PDE4D: variants seen among roughly 807,000 people sequenced by gnomAD.
PDE4D encodes the protein 3',5'-cyclic-AMP phosphodiesterase 4D.
PDE4D carries 24 observed loss-of-function variants against 87.4 expected under a neutral mutation model. The observed-to-expected ratio is 0.27, with a 90% confidence interval of 0.20 to 0.39. PDE4D has a LOEUF of 0.39. Among genes scored for constraint, PDE4D ranks in the 10% least tolerant of loss-of-function variants. PDE4D has a pLI of 1.00. For missense variants in PDE4D, 714 were observed against 1,041.0 expected (o/e 0.69, Z 4.32); for synonymous variants, 384 against 383.2 (o/e 1.00, Z -0.02).
chr5:60,114,564 AT>A (rs1192493175), intron 2 of PDE4D, among the ~76,000 whole-genome samples: 18 of 152,184 alleles, frequency 1.2e-4, no homozygotes, highest in Admixed American at 3.9e-4. Context: ...AGAGAACATA[AT>A]TACTGAATCT....
At chr5:60,314,594 T>C (rs1043472492) in intron 1 of PDE4D, among the ~76,000 whole-genome samples, 2 of 152,142 alleles carry the variant, frequency 1.3e-5, no homozygotes, top group Admixed American at 1.3e-4. Flanking sequence ...CATTAACTCA[T>C]CATTTAACAT....
chr5:60,291,701 A>G (rs919167580), intron 1 of PDE4D, among the ~76,000 whole-genome samples: 5 of 152,028 alleles, frequency 3.3e-5, no homozygotes, highest in Admixed American at 2.6e-4. Context: ...TAAAAAAAAA[A>G]CCATGTAAGG....
intron 1 of PDE4D, among the ~76,000 whole-genome samples, chr5:59,607,649 G>A (rs1184247708): frequency 6.6e-6 from 1 of 152,022 alleles, no homozygotes; most frequent in African/African-American, 2.4e-5. Flanking sequence ...GTCAGTAGAG[G>A]AGGCAGCAGG....
chr5:60,513,936 A>G (rs565196586), intron 1 of PDE4D, among the ~76,000 whole-genome samples: 135 of 150,972 alleles, frequency 8.9e-4, no homozygotes, highest in African/African-American at 3.1e-3. Flanking sequence ...ATAATTATAT[A>G]AGAACAGCAA....
intron 1 of PDE4D, among the ~76,000 whole-genome samples, chr5:59,859,581 A>T (rs16890312): frequency 0.024 from 3,635 of 152,324 alleles, 153 homozygotes; most frequent in African/African-American, 0.083. Context: ...ATGTCTAATG[A>T]TGTGCTTTTT....
At position 59,672,638 on chromosome 5, in the gene PDE4D, C is replaced by A. The variant is rs73101118; in HGVS notation, c.455+220530G>T. Among the ~76,000 whole-genome samples, 1,237 of 152,090 alleles carry A rather than the reference C, an allele frequency of 8.1e-3. 13 individuals are homozygous for A. Among genetic ancestry groups the A allele is most frequent in the African/African-American group, 0.028 (1,182 of 41,498 alleles). On this transcript the variant is annotated intron_variant, in intron 1 of 14. Transcript: ENST00000340635. The stretch of plus-strand genomic sequence containing the variant: ...TTTTATTACTGCAAATTTTTTGTTT[C>A]TAAGTCCACAAAAGGAAACTTCAAC...
chr5:59,962,972 G>T (rs983331742), intron 3 of PDE4D, among the ~76,000 whole-genome samples: 19 of 152,264 alleles, frequency 1.2e-4, no homozygotes, highest in Admixed American at 3.9e-4. Flanking sequence ...CCACAGAAAT[G>T]CACCAGCTCT....
At chr5:60,428,671 T>C (rs1743929705) in intron 1 of PDE4D, among the ~76,000 whole-genome samples, 1 of 152,202 alleles carries the variant, frequency 6.6e-6, no homozygotes, top group Admixed American at 6.5e-5. Context: ...CTTCTCACGA[T>C]GATATAAAGA....
At chr5:59,358,557 G>C (rs1345881064) in intron 1 of PDE4D, among the ~76,000 whole-genome samples, 1 of 151,916 alleles carries the variant, frequency 6.6e-6, no homozygotes, top group East Asian at 1.9e-4. Flanking sequence ...TTCCATTTTC[G>C]GCAGCTCTTA....
At chr5:59,668,356 G>A (rs1249783229) in intron 1 of PDE4D, among the ~76,000 whole-genome samples, 2 of 152,132 alleles carry the variant, frequency 1.3e-5, no homozygotes, top group Non-Finnish European at 2.9e-5. Flanking sequence ...TGCAGATGAG[G>A]CTTCCTCCTG....
At chr5:59,418,743 G>A (rs1008197814) in intron 1 of PDE4D, among the ~76,000 whole-genome samples, 8 of 152,098 alleles carry the variant, frequency 5.3e-5, no homozygotes, top group Admixed American at 6.6e-5. Context: ...TCGCCTCCCA[G>A]GTTCAACCAA....
At chr5:59,777,838 C>T (rs1207268664) in intron 1 of PDE4D, among the ~76,000 whole-genome samples, 1 of 151,750 alleles carries the variant, frequency 6.6e-6, no homozygotes, top group East Asian at 1.9e-4. Flanking sequence ...TTCAAAAGCG[C>T]ATATACACTC....
intron 3 of PDE4D, among the ~76,000 whole-genome samples, chr5:59,936,323 G>A (rs575419050): frequency 2.0e-5 from 3 of 151,966 alleles, no homozygotes; most frequent in African/African-American, 7.2e-5. Context: ...TAACTAACCT[G>A]CATGTTGTGC....
intron 1 of PDE4D, among the ~76,000 whole-genome samples, chr5:59,635,044 G>T (rs951222440): frequency 1.3e-5 from 2 of 152,078 alleles, no homozygotes; most frequent in African/African-American, 4.8e-5. Context: ...AATAAAAAAT[G>T]ATAAAGGGGA....
At chr5:60,442,138 C>T (rs981868533) in intron 1 of PDE4D, among the ~76,000 whole-genome samples, 22 of 152,032 alleles carry the variant, frequency 1.4e-4, no homozygotes, top group African/African-American at 2.2e-4. Context: ...GACACATGCA[C>T]GCGTATGTTT....
intron 1 of PDE4D, among the ~76,000 whole-genome samples, chr5:59,892,776 T>G (rs1411559450): frequency 6.6e-6 from 1 of 151,902 alleles, no homozygotes. Flanking sequence ...ACCTTCACCT[T>G]CTCTTCTTCT....
intron 6 of PDE4D, among the ~76,000 whole-genome samples, chr5:59,021,546 T>A (rs1221834357): frequency 1.3e-5 from 2 of 152,214 alleles, no homozygotes; most frequent in African/African-American, 4.8e-5. Context: ...CCACAGTACC[T>A]ATCATATGTC....
At chr5:59,626,007 G>C (rs1342826094) in intron 1 of PDE4D, among the ~76,000 whole-genome samples, 1 of 152,220 alleles carries the variant, frequency 6.6e-6, no homozygotes, top group Non-Finnish European at 1.5e-5. Flanking sequence ...AGAATGGCAT[G>C]AACCCAGGAG....
chr5:59,194,899 G>C (rs1399425437), intron 2 of PDE4D, among the ~76,000 whole-genome samples: 1 of 152,132 alleles, frequency 6.6e-6, no homozygotes, highest in Non-Finnish European at 1.5e-5. Flanking sequence ...TAAGAGGTGG[G>C]GGCCTGTGAG....
Sources: gnomAD v4.1 joint callset for allele counts (sites outside exome capture counted in the v4.1 genomes callset) on GRCh38, gnomAD v4.1.1 for gene constraint, MANE v1.5 for transcripts, NCBI Gene and HGNC (gene_info 2026-07-23, HGNC 2026-07-21) for gene names.